The following RIF1 variants were observed in gnomAD, a reference collection of about 807,000 sequenced individuals.
RIF1 encodes the protein replication timing regulatory factor 1, also known as telomere-associated protein RIF1.
Under a neutral mutation model 247.1 loss-of-function variants are expected in RIF1, and 45 were observed. The observed-to-expected ratio is 0.18, with a 90% CI of 0.14 to 0.23. RIF1 has a LOEUF of 0.23. RIF1 is among the 10% of genes least tolerant of loss of function. The probability of loss-of-function intolerance (pLI) is 1.00; values close to 1 mark genes in which losing one functional copy is unlikely to be tolerated. For missense variants in RIF1, 2,967 were observed against 2,862.5 expected, an observed-to-expected ratio of 1.04 and a Z score of -0.83; for synonymous variants, 1,087 against 978.8, an observed-to-expected ratio of 1.11 and a Z score of -2.06.
At chr2:151,514,394 C>T in the RIF1 span, 180 of 1,613,418 alleles carry the variant, frequency 1.1e-4, no homozygotes, top group Non-Finnish European at 1.4e-4. Flanking sequence ...GCCCTTCCCA[C>T]GGATGCTTTC....
At chr2:151,430,376 C>T (rs1321436842) in intron 9 of RIF1, among the ~76,000 whole-genome samples, 5 of 151,724 alleles carry the variant, frequency 3.3e-5, no homozygotes, top group Non-Finnish European at 5.9e-5. Context: ...GGCTGGAGTG[C>T]AGTGGCGTGA....
At position 151,463,660 on chromosome 2, in the gene RIF1, T is replaced by C. The variant is rs767027272; in HGVS notation, c.4140T>C (p.Ile1380=). ...TNTVEEKNVE[I]NLESKENTPP... ...CTGTAGAGGAGAAAAATGTAGAAAT[T>C]AATTTGGAATCCAAAGAGAATACAC... Residue 1380 remains isoleucine (I), a synonymous_variant, in exon 30 of 36, where the codon ATT becomes ATC. Coordinates refer to ENST00000444746, the MANE Select transcript of RIF1 (RefSeq NM_018151.5). The C allele has an allele frequency of 3.1e-6, 5 of 1,613,798 alleles. No individual in the cohort carries two copies. Among genetic ancestry groups the C allele is most frequent in the Non-Finnish European group, 4.2e-6 (5 of 1,179,886 alleles).
chr2:151,435,532 C>A lies in RIF1; in HGVS notation c.1147C>A (p.His383Asn). The A allele has an allele frequency of 6.2e-7, 1 of 1,611,198 alleles. No individual in the cohort carries two copies. Among genetic ancestry groups the A allele is most frequent in the South Asian group, 1.1e-5 (1 of 91,002 alleles). Reference sequence around the variant, plus strand: ...TGCCTCACCTCAGGGCAATTCGTGTCATGTAGCTACATCTCCAGGTTTAAA... The same window carrying A: ...TGCCTCACCTCAGGGCAATTCGTGTAATGTAGCTACATCTCCAGGTTTAAA... ...SNASPQGNSC[H>N]VATSPGLNPM... Residue 383 changes from histidine to asparagine, a missense_variant, in exon 11 of 36, where the codon CAT becomes AAT. Physicochemically the swap from His to Asn is moderately conservative, Grantham distance 68 (BLOSUM62 1). This residue lies in a region of RIF1 where 369 missense variants were observed against 322.0 expected (regional missense o/e 1.15). Coordinates refer to ENST00000444746, the MANE Select transcript of RIF1 (RefSeq NM_018151.5).
rs776059302 is a variant in RIF1, at chr2:151,465,158, AAAG to A, written c.5644_5646del (p.Glu1882del). On this transcript the variant is annotated inframe_deletion, in exon 30 of 36. Transcript: ENST00000444746. ...TGTTTCACAGGAATCTTTGGAGACA[AAAG>A]AAGAAAAACCAGAAGAAACCCCAAA... 1.9e-6 allele frequency: 3 copies of A among 1,613,678 alleles called. No individual in the cohort carries two copies. Among genetic ancestry groups the A allele is most frequent in the Admixed American group, 1.7e-5 (1 of 59,936 alleles).
chr2:151,457,334 G>A (rs895429196), intron 23 of RIF1, among the ~76,000 whole-genome samples: 2 of 152,028 alleles, frequency 1.3e-5, no homozygotes, highest in African/African-American at 4.8e-5. Context: ...TGTTGCTCAG[G>A]CTCGTCTCAA....
rs921720009 is a variant in RIF1, at chr2:151,465,987, T to C, written c.6467T>C (p.Val2156Ala). The change falls in exon 30 of 36, where the codon GTG becomes GCG. Residue 2156 changes from valine to alanine, a missense_variant. Around this residue, in one of 7 missense-constraint regions of RIF1, gnomAD observed 2,028 missense variants for 1,825.6 expected, o/e 1.11. Transcript: ENST00000444746. ...CTAAGGGAACTTGATCCTTCACTTG[T>C]GTCAGCAAATGACAGTCCTAGTGGC... ...QKLRELDPSLVSANDSPSGMQ... is the reference protein window; with the variant it reads ...QKLRELDPSLASANDSPSGMQ... 39 of 1,613,998 alleles carry C rather than the reference T, an allele frequency of 2.4e-5. 1 individual carries two copies. The highest frequency in any genetic ancestry group is 4.0e-5 in the African/African-American group (3 of 75,050).
Position 151,463,537 on chromosome 2 carries a change from A to T in RIF1, c.4017A>T (p.Ser1339=). 2 of 1,614,050 alleles carry T rather than the reference A, an allele frequency of 1.2e-6. No individual in the cohort carries two copies. The highest frequency in any genetic ancestry group is 2.2e-5 in the South Asian group (2 of 91,084). Reference sequence around the variant, plus strand: ...TGCTTAATCAAACAGAATGTGTGTCAGATAATCAGGTTCATCTTTCTGAAT... The same window carrying T: ...TGCTTAATCAAACAGAATGTGTGTCTGATAATCAGGTTCATCTTTCTGAAT... ...PGLLNQTECV[S]DNQVHLSEST... The change falls in exon 30 of 36, where the codon TCA becomes TCT. Residue 1339 remains serine, a synonymous_variant. Coordinates refer to ENST00000444746, the MANE Select transcript of RIF1 (RefSeq NM_018151.5).
At chr2:151,523,494 A>C in the RIF1 span, among the ~76,000 whole-genome samples, 1 of 152,264 alleles carries the variant, frequency 6.6e-6, no homozygotes, top group Non-Finnish European at 1.5e-5. Context: ...AGGAAAAAGA[A>C]GGTAGGATCT....
chr2:151,496,913 T>C (rs2060591392), intron 10 of RIF1: 1 of 1,515,966 alleles, frequency 6.6e-7, no homozygotes, highest in Non-Finnish European at 9.0e-7. Context: ...AATCAGTAAG[T>C]AGTTTTTTTC....
chr2:151,415,437 A>G (rs1687026866), intron 4 of RIF1, among the ~76,000 whole-genome samples: 1 of 151,636 alleles, frequency 6.6e-6, no homozygotes, highest in African/African-American at 2.4e-5. Flanking sequence ...ATGGTATTTG[A>G]CAAAAGATTA....
the RIF1 span, chr2:151,527,492 G>A: frequency 6.2e-7 from 1 of 1,612,534 alleles, no homozygotes; most frequent in Non-Finnish European, 8.5e-7. Flanking sequence ...TCGCTTTGCT[G>A]CAGGGATGAC....
At chr2:151,425,983 G>T (rs890547242) in intron 8 of RIF1, among the ~76,000 whole-genome samples, 7 of 150,298 alleles carry the variant, frequency 4.7e-5, no homozygotes, top group Non-Finnish European at 7.4e-5. Context: ...CTGGCCTGTG[G>T]TACCCTTTTG....
At chr2:151,531,308 C>CTTTCTTTT in the RIF1 span, among the ~76,000 whole-genome samples, 5 of 84,014 alleles carry the variant, frequency 6.0e-5, no homozygotes, top group East Asian at 7.7e-4. Flanking sequence ...TTTTTTCTTT[C>CTTTCTTTT]TTTTTTTTTT....
chr2:151,510,259 G>C (rs937918410), downstream of RIF1, among the ~76,000 whole-genome samples: 3 of 152,136 alleles, frequency 2.0e-5, no homozygotes, highest in Non-Finnish European at 2.9e-5. Flanking sequence ...TAGACCCACA[G>C]TAAAACTTGT....
rs1417151196 is a variant in RIF1 at position 151,480,733 on chromosome 2, C to T, written c.*5662C>T. On this transcript the variant is annotated 3_prime_UTR_variant, in exon 36 of 36. Transcript: ENST00000444746. ...GTATAGTCTAACAATTATTTTGATA[C>T]ACTATTGAATAGCTAACAAGTGTCT... 6.6e-6 allele frequency: 1 copy of T among 152,114 alleles called. No individual in the cohort carries two copies. Among genetic ancestry groups the T allele is most frequent in the East Asian group, 1.9e-4 (1 of 5,204 alleles). 9.4% of individuals were successfully genotyped at this position (152,114 alleles called of 1,614,324 possible).
At chr2:151,509,559 T>C (rs2072316537), downstream of RIF1, among the ~76,000 whole-genome samples, 2 of 152,110 alleles carry the variant, frequency 1.3e-5, no homozygotes, top group African/African-American at 4.8e-5. Flanking sequence ...AGGGTTGGAC[T>C]GCTATTTCTC....
chr2:151,506,961 T>G (rs764544104), intron 13 of RIF1: 2 of 1,611,814 alleles, frequency 1.2e-6, no homozygotes, highest in South Asian at 2.2e-5. Context: ...TGGCGTGTCT[T>G]GAACAACTGT....
At chr2:151,443,461 T>G (rs1692719538) in intron 17 of RIF1, 68 bp from the exon 18 acceptor site, 1 of 1,440,804 alleles carries the variant, frequency 6.9e-7, no homozygotes, top group Non-Finnish European at 9.4e-7. Context: ...TATTTTAGAA[T>G]TTTGTTAACA....
intron 18 of RIF1, 77 bp from the exon 19 acceptor site, chr2:151,445,258 ACTT>A: frequency 1.2e-6 from 1 of 852,572 alleles, no homozygotes; most frequent in Non-Finnish European, 2.0e-6. Flanking sequence ...TTTGCCCACT[ACTT>A]ATAAATAAGT....
Sources: allele counts gnomAD v4.1 joint callset (sites outside exome capture counted in the v4.1 genomes callset), GRCh38; gene constraint gnomAD v4.1.1; regional missense constraint gnomAD v4.1.1; transcripts MANE v1.5; gene names NCBI Gene and HGNC (gene_info 2026-07-23, HGNC 2026-07-21).